Variants in AK7 observed in about 807,000 individuals in gnomAD.
The protein encoded by AK7 is ATP-AMP transphosphorylase 7.
In AK7, 78 loss-of-function variants were observed where a neutral mutation model predicts 96.6. That is an observed-to-expected ratio of 0.81 (90% CI 0.67 to 0.97). AK7 has a LOEUF of 0.97. Among genes scored for constraint, AK7 ranks in the 50% least tolerant of loss-of-function variants. The pLI, the probability that AK7 is intolerant of heterozygous loss-of-function variation, is 0.00. For synonymous variants in AK7, 302 were observed against 317.2 expected (o/e 0.95, Z 0.51); for missense variants, 855 against 887.9 (o/e 0.96, Z 0.47).
chr14:96,418,613 G>C (rs1268539698), intron 4 of AK7, among the ~76,000 whole-genome samples: 1 of 152,074 alleles, frequency 6.6e-6, no homozygotes, highest in Non-Finnish European at 1.5e-5. Flanking sequence ...CAGCCTCCCA[G>C]GTTCAAGCGA....
chr14:96,446,096 T>C (rs1418732955), intron 7 of AK7, among the ~76,000 whole-genome samples: 1 of 152,164 alleles, frequency 6.6e-6, no homozygotes, highest in Non-Finnish European at 1.5e-5. Context: ...TGTCTTACTT[T>C]GTAAAATACC....
At chr14:96,465,707 T>C (rs1047540418) in intron 12 of AK7, among the ~76,000 whole-genome samples, 18 of 151,764 alleles carry the variant, frequency 1.2e-4, no homozygotes, top group African/African-American at 4.1e-4. Flanking sequence ...AGTATTCAAG[T>C]AGGTGAGTAA....
At chr14:96,396,001 G>A (rs1437286881) in intron 1 of AK7, among the ~76,000 whole-genome samples, 6 of 151,572 alleles carry the variant, frequency 4.0e-5, no homozygotes, top group African/African-American at 1.2e-4. Context: ...TAGTAGAGAC[G>A]GAGTTTCACC....
In AK7 at chr14:96,456,360, G is replaced by C. The variant is rs369046783; in HGVS notation, c.1112G>C (p.Cys371Ser). ...CTCCTCTTTCAGCCAATCAAGATCT[G>C]CATTCTTGGTCCCCCTGCTGTGGGA... ...QSRGLMPIKI[C>S]ILGPPAVGKS... Residue 371 changes from cysteine (C) to serine (S), a missense_variant, in exon 11 of 18, where the codon TGC (cysteine) becomes TCC (serine). Transcript: ENST00000267584. 1.2e-6 allele frequency: 2 copies of C among 1,610,828 alleles called. No homozygotes were observed. The highest frequency in any genetic ancestry group is 8.5e-7 in the Non-Finnish European group (1 of 1,178,226).
intron 14 of AK7, 50 bp downstream of exon 14, chr14:96,472,805 G>A: frequency 6.6e-7 from 1 of 1,513,826 alleles, no homozygotes; most frequent in South Asian, 1.1e-5. Flanking sequence ...CTCTGGGCTG[G>A]GCGTGGTGGC....
intron 11 of AK7, chr14:96,456,682 GC>G: frequency 2.3e-6 from 1 of 439,800 alleles, no homozygotes; most frequent in Non-Finnish European, 4.0e-6. Context: ...GTTGACCTTG[GC>G]CACACTGGCG....
intron 7 of AK7, among the ~76,000 whole-genome samples, chr14:96,444,705 G>C (rs753435123): frequency 4.6e-5 from 7 of 151,888 alleles, no homozygotes; most frequent in Middle Eastern, 6.8e-3. Flanking sequence ...CTAACCTATC[G>C]GTTATCTTTC....
intron 3 of AK7, 38 bp downstream of exon 3, chr14:96,404,903 T>A (rs1194418253): frequency 2.1e-6 from 3 of 1,456,726 alleles, no homozygotes; most frequent in African/African-American, 2.8e-5. Context: ...AGGGATGCTA[T>A]TGTAGTGCTG....
In AK7 at chr14:96,451,498, G is replaced by A; in HGVS notation, c.1026G>A (p.Trp342Ter). The change falls in exon 10 of 18, where the codon TGG (tryptophan) becomes TGA (stop). Residue 342 changes from tryptophan to a stop codon, truncating the protein, a stop_gained. Coordinates refer to ENST00000267584, the MANE Select transcript of AK7 (RefSeq NM_152327.5). LOFTEE classifies it high-confidence loss of function. ...TGAAGGAGAATTTTAATATTCGATG[G>A]GCTGCCCAAACAGGATTTGTGGAAA... ...LFVKENFNIR[W>*]AAQTGFVENI... The A allele has an allele frequency of 6.2e-7, 1 of 1,603,384 alleles. No homozygotes were observed. Among genetic ancestry groups the A allele is most frequent in the Non-Finnish European group, 8.5e-7 (1 of 1,174,206 alleles).
rs549786869 is a variant in AK7 at position 96,396,893 on chromosome 14, C to A, written c.106-1182C>A. On this transcript the variant is annotated intron_variant, in intron 1 of 17. Coordinates refer to ENST00000267584, the MANE Select transcript of AK7 (RefSeq NM_152327.5). ...TTAAATGTGGTTAGTCCACACCAGC[C>A]TGGGCAACAACAGCAATACCCCATT... 3.3e-5 allele frequency among the ~76,000 whole-genome samples: 5 copies of A among 152,284 alleles called. No homozygotes were observed. The East Asian group carries it at 9.6e-4, about 29-fold the overall frequency.
intron 14 of AK7, among the ~76,000 whole-genome samples, chr14:96,478,171 A>T (rs1404755203): frequency 6.9e-6 from 1 of 145,752 alleles, no homozygotes; most frequent in Non-Finnish European, 1.5e-5. Context: ...GGAAGGAAGG[A>T]AGGACAGAGG....
At chr14:96,412,143 G>A (rs531609722) in intron 4 of AK7, among the ~76,000 whole-genome samples, 3 of 151,908 alleles carry the variant, frequency 2.0e-5, no homozygotes, top group Non-Finnish European at 4.4e-5. Context: ...ACTCTAAATC[G>A]TAATCCCTAT....
chr14:96,446,538 T>A lies in AK7; in HGVS notation c.801T>A (p.Asp267Glu), dbSNP rs761558630. Residue 267 changes from aspartate to glutamate, a missense_variant, in exon 8 of 18, where the codon GAT becomes GAA. Asp to Glu is a conservative substitution (Grantham distance 45). Transcript: ENST00000267584. ...DLAGVIQNVI[D>E]HVPKPHYLVA... ...GCAGAGTGATACAAAACGTCATAGA[T>A]CACGTGCCAAAGCCTCACTACCTGG... The A allele has an allele frequency of 6.2e-7, 1 of 1,614,162 alleles. No individual in the cohort carries two copies. Among genetic ancestry groups the A allele is most frequent in the East Asian group, 2.2e-5 (1 of 44,882 alleles).
intron 9 of AK7, among the ~76,000 whole-genome samples, chr14:96,450,480 T>TA (rs1893531428): frequency 6.6e-6 from 1 of 151,012 alleles, no homozygotes; most frequent in African/African-American, 2.4e-5. Context: ...AGCTATTTGA[T>TA]ACGTAAAATG....
chr14:96,455,321 C>A (rs186450351), intron 10 of AK7, among the ~76,000 whole-genome samples: 1 of 152,136 alleles, frequency 6.6e-6, no homozygotes, highest in African/African-American at 2.4e-5. Flanking sequence ...CTCATCTCTA[C>A]AGAAAGTATA....
intron 12 of AK7, among the ~76,000 whole-genome samples, chr14:96,462,369 T>G (rs1894301364): frequency 6.6e-6 from 1 of 152,202 alleles, no homozygotes; most frequent in Admixed American, 6.5e-5. Flanking sequence ...GGACCTTGCC[T>G]ATGTTTGAAC....
chr14:96,448,735 C>T (rs1893395501), intron 8 of AK7, among the ~76,000 whole-genome samples: 1 of 150,970 alleles, frequency 6.6e-6, no homozygotes, highest in Non-Finnish European at 1.5e-5. Flanking sequence ...GCAGGCAGAT[C>T]CCTTGAGGTC....
At chr14:96,460,618 C>T (rs1328850030) in intron 12 of AK7, among the ~76,000 whole-genome samples, 1 of 152,180 alleles carries the variant, frequency 6.6e-6, no homozygotes, top group Non-Finnish European at 1.5e-5. Flanking sequence ...GGTACTCCAC[C>T]CCTTTGCCAT....
chr14:96,461,014 G>C (rs1013906159), intron 12 of AK7, among the ~76,000 whole-genome samples: 5 of 152,220 alleles, frequency 3.3e-5, no homozygotes, highest in African/African-American at 1.2e-4. Context: ...CTTGGTTTCT[G>C]CTTCATTGTG....
Sources: allele counts gnomAD v4.1 joint callset (sites outside exome capture counted in the v4.1 genomes callset), GRCh38; gene constraint gnomAD v4.1.1; transcripts MANE v1.5; gene names NCBI Gene and HGNC (gene_info 2026-07-23, HGNC 2026-07-21).